SYNE1: variants seen among roughly 807,000 people sequenced by gnomAD.
SYNE1 encodes the protein nesprin-1.
A neutral mutation model predicts 1,111.0 loss-of-function variants in SYNE1; 616 were observed. That is an observed-to-expected ratio of 0.55 (90% CI 0.52 to 0.59). The LOEUF (loss-of-function observed/expected upper bound fraction) is 0.59. SYNE1 is among the 20% of genes least tolerant of loss of function. SYNE1 has a pLI of 0.00. For missense variants in SYNE1, 10,006 were observed against 10,417.0 expected (o/e 0.96, Z 1.72); for synonymous variants, 3,855 against 3,825.8 (o/e 1.01, Z -0.28).
chr6:152,367,117 T>G, intron 62 of SYNE1, 101 bp downstream of exon 62: 1 of 1,418,678 alleles, frequency 7.0e-7, no homozygotes, highest in Non-Finnish European at 1.0e-6. Flanking sequence ...AGATTTATCA[T>G]GGAGAGAATG....
At chr6:152,381,544 T>C (rs2154116125) in intron 55 of SYNE1, 182 bp from the exon 56 acceptor site, 2 of 664,672 alleles carry the variant, frequency 3.0e-6, no homozygotes, top group Non-Finnish European at 5.3e-6. Context: ...TCATCACGAG[T>C]GCCTAAGGCT....
chr6:152,425,436 G>A lies in SYNE1; in HGVS notation c.5212C>T (p.His1738Tyr). The change falls in exon 39 of 146, where the codon CAT becomes TAT. Residue 1738 changes from histidine to tyrosine, a missense_variant. Transcript: ENST00000367255. ...SKDDVKMMKL[H>Y]LEQLDERWRD... ...CATCTCTCATCCAACTGCTCCAAAT[G>A]TAGTTTCATCATTTTCACATCATCT... The A allele has an allele frequency of 6.2e-7, 1 of 1,614,190 alleles. No individual in the cohort carries two copies. Among genetic ancestry groups the A allele is most frequent in the East Asian group, 2.2e-5 (1 of 44,880 alleles).
At position 152,350,241 on chromosome 6, in the gene SYNE1, C is replaced by A; in HGVS notation, c.11828G>T (p.Gly3943Val). The part of the protein sequence containing the change: ...EVEKWLLQMS[G>V]RLVAPDLLET... ...CAGGAGGTCAGGTGCCACCAGTCTG[C>A]CAGACATCTGCAGCAGCCACTTTTC... The change falls in exon 72 of 146, where the codon GGC becomes GTC. Residue 3943 changes from glycine to valine, a missense_variant. Coordinates refer to ENST00000367255, the MANE Select transcript of SYNE1 (RefSeq NM_182961.4). 1 of 1,614,120 alleles carries A rather than the reference C, an allele frequency of 6.2e-7. No homozygotes were observed. Among genetic ancestry groups the A allele is most frequent in the Non-Finnish European group, 8.5e-7 (1 of 1,180,028 alleles).
intron 3 of SYNE1, among the ~76,000 whole-genome samples, chr6:152,577,587 G>A (rs2099502832): frequency 6.6e-6 from 1 of 151,942 alleles, no homozygotes; most frequent in African/African-American, 2.4e-5. Flanking sequence ...GAGCCGAGAT[G>A]GTGCCACTGC....
chr6:152,478,529 A>G (rs1384211944), intron 14 of SYNE1: 1 of 152,334 alleles, frequency 6.6e-6, no homozygotes, highest in Non-Finnish European at 1.5e-5. Context: ...ACCCATAGTA[A>G]CAGAAGTGAA....
At chr6:152,455,364 C>T (rs1362959174) in intron 24 of SYNE1, 62 bp downstream of exon 24, 20 of 1,556,358 alleles carry the variant, frequency 1.3e-5, no homozygotes, top group Non-Finnish European at 1.7e-5. Flanking sequence ...CTTTTTTAAG[C>T]TTTCCTCCAA....
chr6:152,163,032 T>G (rs768328079), intron 131 of SYNE1, among the ~76,000 whole-genome samples: 9 of 152,312 alleles, frequency 5.9e-5, no homozygotes, highest in Non-Finnish European at 1.2e-4. Flanking sequence ...GTATTTACAT[T>G]TTATAGCATT....
At chr6:152,598,205 G>T (rs900147420) in intron 3 of SYNE1, among the ~76,000 whole-genome samples, 1 of 151,956 alleles carries the variant, frequency 6.6e-6, no homozygotes. Context: ...TCATGGGGTC[G>T]GGCCTTTCCT....
intron 59 of SYNE1, among the ~76,000 whole-genome samples, chr6:152,371,058 A>G (rs1026964568): frequency 3.3e-5 from 5 of 152,182 alleles, no homozygotes; most frequent in African/African-American, 1.2e-4. Flanking sequence ...CACAAATAGA[A>G]GATGCTCAAC....
At chr6:152,217,773 A>G (rs1380471884) in intron 121 of SYNE1, among the ~76,000 whole-genome samples, 2 of 152,024 alleles carry the variant, frequency 1.3e-5, no homozygotes, top group Non-Finnish European at 2.9e-5. Flanking sequence ...CAGCGGTGGA[A>G]AGAGGGAGGA....
At chr6:152,195,551 A>ACTAT in intron 127 of SYNE1, among the ~76,000 whole-genome samples, 1 of 152,348 alleles carries the variant, frequency 6.6e-6, no homozygotes, top group South Asian at 2.1e-4. Flanking sequence ...GTTCTTGCAG[A>ACTAT]CTGATAGAGG....
chr6:152,193,361 T>C (rs2073097074), intron 127 of SYNE1, among the ~76,000 whole-genome samples: 1 of 152,186 alleles, frequency 6.6e-6, no homozygotes, highest in Admixed American at 6.5e-5. Flanking sequence ...AGAAAACTAG[T>C]AAAAACTCTA....
At position 152,472,384 on chromosome 6, in the gene SYNE1, T is replaced by C. The variant is rs1416251927; in HGVS notation, c.1380A>G (p.Lys460=). 6.2e-7 allele frequency: 1 copy of C among 1,613,878 alleles called. No homozygotes were observed. The highest frequency in any genetic ancestry group is 1.3e-5 in the African/African-American group (1 of 74,864). ...KDLLQNTDAH[K]RAFHEIYRTR... Reference sequence around the variant, plus strand: ...TCCGGTAGATTTCATGGAATGCTCTTTTGTGGGCATCCGTGTTTTGAAGCA... The same window carrying C: ...TCCGGTAGATTTCATGGAATGCTCTCTTGTGGGCATCCGTGTTTTGAAGCA... Residue 460 remains lysine (K), a synonymous_variant, in exon 15 of 146, where the codon AAA becomes AAG. Coordinates refer to ENST00000367255, the MANE Select transcript of SYNE1 (RefSeq NM_182961.4).
At chr6:152,598,965 T>C (rs1214860726) in intron 3 of SYNE1, among the ~76,000 whole-genome samples, 1 of 152,252 alleles carries the variant, frequency 6.6e-6, no homozygotes, top group East Asian at 1.9e-4. Flanking sequence ...GTTATTATCT[T>C]TCTTAATAGA....
At chr6:152,594,275 T>TACAG in intron 3 of SYNE1, among the ~76,000 whole-genome samples, 1 of 152,218 alleles carries the variant, frequency 6.6e-6, no homozygotes, top group East Asian at 1.9e-4. Flanking sequence ...TGTTGACCTG[T>TACAG]AAGAGAGGAA....
At chr6:152,631,106 C>T (rs2099697203) in intron 2 of SYNE1, among the ~76,000 whole-genome samples, 1 of 152,048 alleles carries the variant, frequency 6.6e-6, no homozygotes, top group Non-Finnish European at 1.5e-5. Context: ...TACAAAAATA[C>T]CAGGGCTAAG....
chr6:152,269,213 A>G lies in SYNE1; in HGVS notation c.18647T>C (p.Leu6216Pro). The change falls in exon 99 of 146, where the codon CTG becomes CCG. Residue 6216 changes from leucine to proline, a missense_variant. Physicochemically the swap from Leu to Pro is moderately conservative, Grantham distance 98. Around this residue, in one of 7 missense-constraint regions of SYNE1, gnomAD observed 2,182 missense variants for 2,287.8 expected, o/e 0.95. Transcript: ENST00000367255. ...GGTCCATGTGGTGCGAGCTTGGGCC[A>G]GCCATTCCTGGACGCCGGGGCTCTG... ...ATQSPGVQEW[L>P]AQARTTWTQQ... 6.2e-7 allele frequency: 1 copy of G among 1,614,212 alleles called. No homozygotes were observed. Among genetic ancestry groups the G allele is most frequent in the Non-Finnish European group, 8.5e-7 (1 of 1,180,044 alleles).
chr6:152,328,975 T>G (rs1266350920), intron 78 of SYNE1, among the ~76,000 whole-genome samples: 1 of 152,228 alleles, frequency 6.6e-6, no homozygotes, highest in Non-Finnish European at 1.5e-5. Flanking sequence ...GGCTGCATTG[T>G]CTGCCTCTCT....
chr6:152,254,549 C>T (rs1019406554), intron 104 of SYNE1, among the ~76,000 whole-genome samples: 9 of 152,086 alleles, frequency 5.9e-5, no homozygotes, highest in African/African-American at 2.4e-5. Context: ...TGTGCCCGGC[C>T]ATTTTCTGCA....
Sources: allele counts gnomAD v4.1 joint callset (sites outside exome capture counted in the v4.1 genomes callset), GRCh38; gene constraint gnomAD v4.1.1; regional missense constraint gnomAD v4.1.1; transcripts MANE v1.5; gene names NCBI Gene and HGNC (gene_info 2026-07-23, HGNC 2026-07-21).